Variants in ADAMTS2 observed in about 807,000 individuals in gnomAD.
ADAMTS2 encodes A disintegrin and metalloproteinase with thrombospondin motifs 2.
ADAMTS2 carries 50 observed loss-of-function variants against 123.0 expected under a neutral mutation model. That is an observed-to-expected ratio of 0.41 (90% CI 0.32 to 0.51). The LOEUF is 0.51. Among genes scored for constraint, ADAMTS2 ranks in the 20% least tolerant of loss-of-function variants. The pLI is 0.35. For missense variants in ADAMTS2, 1,494 were observed against 1,705.2 expected, an observed-to-expected ratio of 0.88 and a Z score of 2.18; for synonymous variants, 678 against 695.4, an observed-to-expected ratio of 0.98 and a Z score of 0.39.
Position 179,344,061 on chromosome 5 carries a change from G to A in ADAMTS2, c.240C>T (p.Ser80=), listed in dbSNP as rs1261650847. ...CCCTGCGGGCTCGTACCCCTGCTCT[G>A]GACGTAGCTGCCGACACCACGTGGG... is the stretch of plus-strand genomic sequence containing the variant. ...LVSHVVSAAT[S]RAGVRARRAA... The change falls in exon 2 of 22, where the codon TCC becomes TCT. Residue 80 remains serine, a synonymous_variant. Transcript: ENST00000251582. 1.9e-6 allele frequency: 3 copies of A among 1,612,052 alleles called. No individual in the cohort carries two copies. Among genetic ancestry groups the A allele is most frequent in the Non-Finnish European group, 2.5e-6 (3 of 1,179,588 alleles).
intron 3 of ADAMTS2, among the ~76,000 whole-genome samples, chr5:179,222,714 G>A (rs1765154269): frequency 6.6e-6 from 1 of 152,230 alleles, no homozygotes; most frequent in Non-Finnish European, 1.5e-5. Flanking sequence ...TGGCCCTCTG[G>A]CCTGTGCTCC....
chr5:179,275,065 G>A (rs1357652967), intron 2 of ADAMTS2, among the ~76,000 whole-genome samples: 1 of 152,164 alleles, frequency 6.6e-6, no homozygotes, highest in Non-Finnish European at 1.5e-5. Flanking sequence ...GGAGCATCAA[G>A]GGCACGGTGC....
chr5:179,164,444 G>A (rs1387067661), intron 5 of ADAMTS2, among the ~76,000 whole-genome samples: 1 of 152,214 alleles, frequency 6.6e-6, no homozygotes, highest in Non-Finnish European at 1.5e-5. Context: ...TCAGGACCTG[G>A]TGGCAGGAGC....
chr5:179,124,384 G>C (rs899648041), intron 19 of ADAMTS2, among the ~76,000 whole-genome samples: 8 of 152,024 alleles, frequency 5.3e-5, no homozygotes, highest in Non-Finnish European at 1.2e-4. Flanking sequence ...CCCAGCACAA[G>C]CCTAAGCACG....
At position 179,345,066 on chromosome 5, in the gene ADAMTS2, C is replaced by G. The variant is rs1394497567; in HGVS notation, c.139+124G>C. ...GCCCCGAAGTTGGCCAACTTGGCCC[C>G]GGGCGGGGCGCGCGGAGTTTGCCCA... is the stretch of plus-strand genomic sequence containing the variant. On this transcript the variant is annotated intron_variant, in intron 1 of 21. Transcript: ENST00000251582. This position sits in a 1 kb window ranked among gnomAD's most constrained non-coding sequence, Gnocchi z 7.5. The G allele has an allele frequency of 5.9e-5, 46 of 776,828 alleles. No individual in the cohort carries two copies. Among genetic ancestry groups the G allele is most frequent in the Non-Finnish European group, 7.3e-5 (46 of 628,644 alleles). 48.1% of individuals were successfully genotyped at this position (776,828 alleles called of 1,614,324 possible).
chr5:179,258,347 G>A (rs1435602553), intron 3 of ADAMTS2, among the ~76,000 whole-genome samples: 7 of 151,948 alleles, frequency 4.6e-5, no homozygotes, highest in Non-Finnish European at 1.5e-5. Context: ...AGCCCACCAG[G>A]TGCTCCTGCT....
Position 179,132,605 on chromosome 5 carries a change from G to A in ADAMTS2, c.2209+172C>T, listed in dbSNP as rs1762983980. Among the ~76,000 whole-genome samples the A allele has an allele frequency of 6.6e-6, 1 of 151,408 alleles. No individual in the cohort carries two copies. Among genetic ancestry groups the A allele is most frequent in the Non-Finnish European group, 1.5e-5 (1 of 67,874 alleles). On this transcript the variant is annotated intron_variant, in intron 14 of 21. Coordinates refer to ENST00000251582, the MANE Select transcript of ADAMTS2 (RefSeq NM_014244.5). The surrounding 1 kb of genome is among the most constrained non-coding windows in gnomAD (Gnocchi z 6.1). ...CCCCACCCACCCTGGCACCCAGCTG[G>A]GGCTGTCCCCGACTTAGGATTCTCC... is the stretch of plus-strand genomic sequence containing the variant.
intron 3 of ADAMTS2, among the ~76,000 whole-genome samples, chr5:179,237,073 A>T (rs1189152832): frequency 1.3e-5 from 2 of 152,116 alleles, no homozygotes; most frequent in Non-Finnish European, 2.9e-5. Context: ...TGGTTAACAC[A>T]GCAAGCCCTC....
chr5:179,213,082 G>A (rs898143830), intron 3 of ADAMTS2, among the ~76,000 whole-genome samples: 5 of 152,112 alleles, frequency 3.3e-5, no homozygotes, highest in African/African-American at 1.2e-4. Flanking sequence ...GCCACTAGGG[G>A]ACGACAGGGA....
chr5:179,178,375 T>G (rs1301376460), intron 5 of ADAMTS2, among the ~76,000 whole-genome samples: 1 of 152,164 alleles, frequency 6.6e-6, no homozygotes, highest in Non-Finnish European at 1.5e-5. Context: ...AAACCTGGGA[T>G]AGAGGGCTCA....
rs1237096233 is a variant in ADAMTS2 at position 179,228,944 on chromosome 5, C to G, written c.689-21229G>C. On this transcript the variant is annotated intron_variant, in intron 3 of 21. Transcript: ENST00000251582. The surrounding 1 kb of genome is among the most constrained non-coding windows in gnomAD (Gnocchi z 5.2). Reference sequence around the variant, plus strand: ...TCTGGCTGGATCCTGAGCTCCTCCCCCGGCCTGTGCTTGAGAGGTGACAGC... The same window carrying G: ...TCTGGCTGGATCCTGAGCTCCTCCCGCGGCCTGTGCTTGAGAGGTGACAGC... Among the ~76,000 whole-genome samples the G allele has an allele frequency of 6.6e-6, 1 of 152,204 alleles. No individual in the cohort carries two copies. Among genetic ancestry groups the G allele is most frequent in the Non-Finnish European group, 1.5e-5 (1 of 68,034 alleles).
intron 10 of ADAMTS2, among the ~76,000 whole-genome samples, chr5:179,145,488 T>C (rs1763236077): frequency 6.6e-6 from 1 of 152,286 alleles, no homozygotes; most frequent in South Asian, 2.1e-4. Flanking sequence ...AACTAATAAA[T>C]GATGAATACC....
At chr5:179,321,269 C>G (rs1222937708) in intron 2 of ADAMTS2, among the ~76,000 whole-genome samples, 1 of 152,162 alleles carries the variant, frequency 6.6e-6, no homozygotes, top group Non-Finnish European at 1.5e-5. Flanking sequence ...CACAAGCGCA[C>G]ACGTAAACAC....
rs757394676 is a variant in ADAMTS2, at chr5:179,153,505, T to C, written c.1501A>G (p.Met501Val). 5.0e-5 allele frequency: 81 copies of C among 1,609,520 alleles called. No individual in the cohort carries two copies. The Admixed American group carries it at 1.3e-3, about 26-fold the overall frequency. Reference sequence around the variant, plus strand: ...TGCACACTCACCGCCGTGCACATCATGTAGCCCAGGCCGAAGTCAAAGCGG... The same window carrying C: ...TGCACACTCACCGCCGTGCACATCACGTAGCCCAGGCCGAAGTCAAAGCGG... ...QCRFDFGLGY[M>V]MCTAFRTFDP... The change falls in exon 9 of 22, where the codon ATG becomes GTG. Residue 501 changes from methionine to valine, a missense_variant. Met to Val is a conservative substitution (Grantham distance 21). This residue lies in a region of ADAMTS2 where 953 missense variants were observed against 1,124.7 expected (regional missense o/e 0.85). Coordinates refer to ENST00000251582, the MANE Select transcript of ADAMTS2 (RefSeq NM_014244.5).
chr5:179,289,434 C>T (rs1756123989), intron 2 of ADAMTS2, among the ~76,000 whole-genome samples: 1 of 152,266 alleles, frequency 6.6e-6, no homozygotes, highest in African/African-American at 2.4e-5. Flanking sequence ...GATAGAAAAT[C>T]ATGGTAGTAA....
intron 21 of ADAMTS2, among the ~76,000 whole-genome samples, 181 bp from the exon 22 acceptor site, chr5:179,114,505 T>C (rs1762626713): frequency 2.0e-5 from 3 of 152,122 alleles, no homozygotes; most frequent in Admixed American, 1.3e-4. Flanking sequence ...GCAGGCAGTG[T>C]CCAGGGACCC....
intron 20 of ADAMTS2, among the ~76,000 whole-genome samples, chr5:179,122,047 C>T (rs941550743): frequency 3.3e-5 from 5 of 152,144 alleles, no homozygotes; most frequent in Admixed American, 6.5e-5. Context: ...GCCCGCGCCC[C>T]GGGTTCCACC....
At chr5:179,114,433 C>T in intron 21 of ADAMTS2, 109 bp from the exon 22 acceptor site, 1 of 1,124,540 alleles carries the variant, frequency 8.9e-7, no homozygotes, top group Non-Finnish European at 1.3e-6. Flanking sequence ...CCAGAGACAG[C>T]ACAGAGGCAA....
chr5:179,177,538 A>G (rs1346690592), intron 5 of ADAMTS2, among the ~76,000 whole-genome samples: 1 of 152,250 alleles, frequency 6.6e-6, no homozygotes, highest in Admixed American at 6.5e-5. Flanking sequence ...GAAAAGGTGA[A>G]GAACTTGAGT....
Sources: gnomAD v4.1 joint callset for allele counts (sites outside exome capture counted in the v4.1 genomes callset) on GRCh38, gnomAD v4.1.1 for gene constraint, gnomAD v4.1.1 regional missense constraint, Gnocchi (gnomAD v3.1) non-coding constraint, MANE v1.5 for transcripts, NCBI Gene and HGNC (gene_info 2026-07-23, HGNC 2026-07-21) for gene names.